The following AMN1 variants were observed in gnomAD, a reference collection of about 807,000 sequenced individuals.
AMN1 encodes the protein protein AMN1 homolog.
In AMN1, 20 loss-of-function variants were observed where a neutral mutation model predicts 33.0. That is an observed-to-expected ratio of 0.61 (90% confidence interval 0.43 to 0.88). AMN1 has a LOEUF of 0.88. Ranked by LOEUF, AMN1 falls within the 40% of genes least tolerant of loss-of-function variation. AMN1 has a pLI of 0.00. For missense variants in AMN1, 246 were observed against 307.4 expected, an observed-to-expected ratio of 0.80 and a Z score of 1.49; for synonymous variants, 114 against 111.9, an observed-to-expected ratio of 1.02 and a Z score of -0.12.
chr12:31,682,834 C>T (rs2139661652), intron 6 of AMN1, among the ~76,000 whole-genome samples: 1 of 152,302 alleles, frequency 6.6e-6, no homozygotes, highest in South Asian at 2.1e-4. Flanking sequence ...CATTTACCAA[C>T]TGTGATCTTC....
At chr12:31,701,243 C>G (rs1938986081) in intron 3 of AMN1, among the ~76,000 whole-genome samples, 1 of 152,094 alleles carries the variant, frequency 6.6e-6, no homozygotes, top group Admixed American at 6.6e-5. Flanking sequence ...AGGTGATCCA[C>G]CTGCCTCGGC....
chr12:31,706,416 C>G (rs550098766), intron 2 of AMN1, among the ~76,000 whole-genome samples: 4 of 152,110 alleles, frequency 2.6e-5, no homozygotes, highest in Admixed American at 2.6e-4. Context: ...CCGCTCACCC[C>G]CAACAGCAAT....
intron 1 of AMN1, among the ~76,000 whole-genome samples, chr12:31,716,293 A>G (rs1592174574): frequency 6.6e-6 from 1 of 152,116 alleles, no homozygotes; most frequent in South Asian, 2.1e-4. Flanking sequence ...GTAACTCTTT[A>G]TTATTATGAA....
chr12:31,717,290 T>A (rs1277941497), intron 1 of AMN1, among the ~76,000 whole-genome samples: 5 of 152,376 alleles, frequency 3.3e-5, no homozygotes, highest in Non-Finnish European at 7.3e-5. Context: ...TTTCTTTTTA[T>A]GGCTGCATAG....
chr12:31,694,618 T>C (rs1482204476), intron 5 of AMN1, among the ~76,000 whole-genome samples: 1 of 151,860 alleles, frequency 6.6e-6, no homozygotes, highest in Non-Finnish European at 1.5e-5. Flanking sequence ...TGGGGGCACA[T>C]ACCTGTAGCC....
At position 31,672,238 on chromosome 12, in the gene AMN1, A is replaced by G. The variant is rs1463061915; in HGVS notation, c.*66T>C. The stretch of plus-strand genomic sequence containing the variant: ...AACATTAAGTAGAATGCAAATCTCT[A>G]TAGATGGTTTCCTGGGAAAGTAGTT... On this transcript the variant is annotated 3_prime_UTR_variant, in exon 7 of 7. Transcript: ENST00000281471. The G allele has an allele frequency of 2.8e-6, 3 of 1,081,664 alleles. No homozygotes were observed. Among genetic ancestry groups the G allele is most frequent in the African/African-American group, 3.1e-5 (2 of 63,728 alleles). 67.0% of individuals were successfully genotyped at this position (1,081,664 alleles called of 1,614,324 possible). A position where few individuals can be genotyped will look rare whatever the true frequency, so the allele number is the denominator to read the frequency against.
At chr12:31,672,417 A>G in intron 6 of AMN1, 40 bp from the exon 7 acceptor site, 1 of 1,386,260 alleles carries the variant, frequency 7.2e-7, no homozygotes, top group Non-Finnish European at 1.0e-6. Context: ...ATTGACAATA[A>G]AAAATGTTTA....
chr12:31,698,189 C>T (rs1487184927), intron 3 of AMN1, among the ~76,000 whole-genome samples: 1 of 152,110 alleles, frequency 6.6e-6, no homozygotes, highest in African/African-American at 2.4e-5. Flanking sequence ...AATGGCAAGG[C>T]TTTATTGTCC....
Position 31,729,016 on chromosome 12 carries a change from G to A in AMN1, c.-8C>T. On this transcript the variant is annotated 5_prime_UTR_variant, in exon 1 of 7. Transcript: ENST00000281471. Reference sequence around the variant, plus strand: ...CCGCCGTGGGCGAGGCATCGCTGCAGCGTCTGAAGCCTCTTCCGCGGTCCC... The same window carrying A: ...CCGCCGTGGGCGAGGCATCGCTGCAACGTCTGAAGCCTCTTCCGCGGTCCC... The A allele has an allele frequency of 6.5e-7, 1 of 1,544,032 alleles. No homozygotes were observed. Among genetic ancestry groups the A allele is most frequent in the Non-Finnish European group, 8.8e-7 (1 of 1,141,610 alleles).
At chr12:31,707,296 G>A (rs571581618) in intron 2 of AMN1, among the ~76,000 whole-genome samples, 1 of 152,190 alleles carries the variant, frequency 6.6e-6, no homozygotes, top group Non-Finnish European at 1.5e-5. Context: ...CTTATTGTGA[G>A]TCTTGATCAA....
chr12:31,726,581 T>C (rs1940080721), intron 1 of AMN1, among the ~76,000 whole-genome samples: 1 of 151,928 alleles, frequency 6.6e-6, no homozygotes, highest in Admixed American at 6.6e-5. Context: ...AGATAAGGAG[T>C]TTATGCAAGA....
At position 31,683,797 on chromosome 12, in the gene AMN1, C is replaced by T. The variant is rs147706997; in HGVS notation, c.703+5210G>A. Among the ~76,000 whole-genome samples, 1,186 of 152,244 alleles carry T rather than the reference C, an allele frequency of 7.8e-3. 11 individuals carry two copies. Among genetic ancestry groups the T allele is most frequent in the Non-Finnish European group, 0.012 (829 of 68,026 alleles). Reference sequence around the variant, plus strand: ...TCTGTATCAGCAGTGTGAAAACGGACTAATACAATGACTACAGTGTAAGGT... The same window carrying T: ...TCTGTATCAGCAGTGTGAAAACGGATTAATACAATGACTACAGTGTAAGGT... On this transcript the variant is annotated intron_variant, in intron 6 of 6. Transcript: ENST00000281471. This position sits in a 1 kb window ranked among gnomAD's most constrained non-coding sequence, Gnocchi z 4.1.
intron 1 of AMN1, among the ~76,000 whole-genome samples, chr12:31,717,528 A>G (rs1939724855): frequency 6.6e-6 from 1 of 152,196 alleles, no homozygotes; most frequent in African/African-American, 2.4e-5. Context: ...GTTATGAAGA[A>G]AGATTAAATA....
Position 31,683,991 on chromosome 12 carries a change from CCTTT to C in AMN1, c.703+5012_703+5015del, listed in dbSNP as rs1204536617. ...CTGTGATCTTGAAAGCTATCCAGGA[CCTTT>C]CTAATGACATCAGTTATTATGTTAA... is the stretch of plus-strand genomic sequence containing the variant. On this transcript the variant is annotated intron_variant, in intron 6 of 6. Coordinates refer to ENST00000281471, the MANE Select transcript of AMN1 (RefSeq NM_001113402.2). This position sits in a 1 kb window ranked among gnomAD's most constrained non-coding sequence, Gnocchi z 4.1. Among the ~76,000 whole-genome samples, 2 of 152,156 alleles carry C rather than the reference CCTTT, an allele frequency of 1.3e-5. No homozygotes were observed. Among genetic ancestry groups the C allele is most frequent in the African/African-American group, 4.8e-5 (2 of 41,444 alleles).
At position 31,697,689 on chromosome 12, in the gene AMN1, T is replaced by C. The variant is rs1168605792; in HGVS notation, c.534+51A>G. The C allele has an allele frequency of 5.8e-6, 9 of 1,554,982 alleles. No individual in the cohort carries two copies. The Admixed American group carries it at 1.5e-4, about 26-fold the overall frequency. ...GATATGTTCTCATTAGTCATGAAAATACATTTGGTAAACACATAGTCTATA... is the reference window on the plus strand; with the variant it reads ...GATATGTTCTCATTAGTCATGAAAACACATTTGGTAAACACATAGTCTATA... On this transcript the variant is annotated intron_variant, in intron 4 of 6. Transcript: ENST00000281471.
intron 6 of AMN1, among the ~76,000 whole-genome samples, chr12:31,675,235 T>G (rs1951362526): frequency 6.6e-6 from 1 of 151,560 alleles, no homozygotes; most frequent in Non-Finnish European, 1.5e-5. Flanking sequence ...CTGGGAAATA[T>G]AGTGAGACCC....
At chr12:31,704,260 C>G (rs1192518332) in intron 2 of AMN1, among the ~76,000 whole-genome samples, 1 of 152,142 alleles carries the variant, frequency 6.6e-6, no homozygotes, top group Non-Finnish European at 1.5e-5. Flanking sequence ...TTTAAAGTCT[C>G]TGCCAAACTG....
At chr12:31,715,119 A>C (rs1450754969) in intron 1 of AMN1, among the ~76,000 whole-genome samples, 1 of 152,248 alleles carries the variant, frequency 6.6e-6, no homozygotes, top group Non-Finnish European at 1.5e-5. Context: ...AACAAGAAAA[A>C]TAGCTATGTT....
chr12:31,678,035 T>A (rs78507679), intron 6 of AMN1, among the ~76,000 whole-genome samples: 6,210 of 152,282 alleles, frequency 0.041, 157 homozygotes, highest in South Asian at 0.063. Context: ...CCACTCTTAC[T>A]ATTAGTTCAT....
Sources: allele counts gnomAD v4.1 joint callset (sites outside exome capture counted in the v4.1 genomes callset), GRCh38; gene constraint gnomAD v4.1.1; non-coding constraint Gnocchi (gnomAD v3.1); transcripts MANE v1.5; gene names NCBI Gene and HGNC (gene_info 2026-07-23, HGNC 2026-07-21).